The following STK32A variants were observed in gnomAD, a reference collection of about 807,000 sequenced individuals.
The protein encoded by STK32A is serine/threonine-protein kinase 32A.
STK32A carries 41 observed loss-of-function variants against 53.2 expected under a neutral mutation model. That is an observed-to-expected ratio of 0.77 (90% CI 0.60 to 1.00). The LOEUF is 1.00. STK32A is among the 50% of genes least tolerant of loss of function. The pLI is 0.00. For synonymous variants in STK32A, 166 were observed against 162.8 expected (o/e 1.02, Z -0.15); for missense variants, 458 against 485.8 (o/e 0.94, Z 0.54).
chr5:147,399,206 G>C, the STK32A span: 1 of 1,614,226 alleles, frequency 6.2e-7, no homozygotes, highest in Non-Finnish European at 8.5e-7. Context: ...GGCAGCGTTT[G>C]TGCTTGTCAC....
intron 2 of STK32A, among the ~76,000 whole-genome samples, chr5:147,267,015 T>C (rs1754841587): frequency 1.4e-5 from 2 of 145,064 alleles, no homozygotes; most frequent in South Asian, 2.2e-4. Flanking sequence ...GGCAACAAGA[T>C]TGAAACTCCA....
At chr5:147,248,983 TA>T (rs1475951601) in intron 2 of STK32A, among the ~76,000 whole-genome samples, 1 of 152,194 alleles carries the variant, frequency 6.6e-6, no homozygotes, top group Non-Finnish European at 1.5e-5. Flanking sequence ...CAACCTTAAC[TA>T]ATATCATGGC....
At chr5:147,382,310 T>C (rs1257770274) in intron 11 of STK32A, among the ~76,000 whole-genome samples, 1 of 152,192 alleles carries the variant, frequency 6.6e-6, no homozygotes, top group Non-Finnish European at 1.5e-5. Flanking sequence ...TTTTTATTAA[T>C]ACTTTAGTTT....
intron 11 of STK32A, among the ~76,000 whole-genome samples, chr5:147,376,942 G>C (rs528035507): frequency 2.0e-5 from 3 of 152,072 alleles, no homozygotes; most frequent in Non-Finnish European, 4.4e-5. Context: ...ACTGGACAAA[G>C]ACATCACAAA....
At chr5:147,286,743 C>T (rs1752363688) in intron 4 of STK32A, among the ~76,000 whole-genome samples, 1 of 152,062 alleles carries the variant, frequency 6.6e-6, no homozygotes, top group Non-Finnish European at 1.5e-5. Flanking sequence ...GAACATTTTT[C>T]TTTTATTGTC....
chr5:147,243,603 T>C (rs1216789548), intron 2 of STK32A, among the ~76,000 whole-genome samples: 1 of 152,086 alleles, frequency 6.6e-6, no homozygotes, highest in African/African-American at 2.4e-5. Context: ...TAGCTGGGCA[T>C]GCCAGTGTGC....
intron 4 of STK32A, among the ~76,000 whole-genome samples, chr5:147,292,297 G>A (rs1234339292): frequency 1.3e-5 from 2 of 152,188 alleles, no homozygotes; most frequent in Non-Finnish European, 2.9e-5. Flanking sequence ...ACCAGCCTTA[G>A]TAAAATGACC....
chr5:147,281,516 C>T (rs1488138389), intron 4 of STK32A, among the ~76,000 whole-genome samples: 10 of 151,968 alleles, frequency 6.6e-5, no homozygotes, highest in East Asian at 5.8e-4. Context: ...ATTCAGAGCT[C>T]GAAGACAAAG....
At chr5:147,370,532 G>A (rs1399316252) in intron 8 of STK32A, 122 bp from the exon 9 acceptor site, 2 of 559,858 alleles carry the variant, frequency 3.6e-6, no homozygotes, top group Non-Finnish European at 6.3e-6. Context: ...GAGTCAGCTG[G>A]ACAGGGTTAG....
chr5:147,364,401 A>T (rs1756653759), intron 8 of STK32A, among the ~76,000 whole-genome samples: 1 of 151,964 alleles, frequency 6.6e-6, no homozygotes, highest in Admixed American at 6.6e-5. Flanking sequence ...CACCAGAATC[A>T]CCCTTAATAT....
At chr5:147,324,908 T>C (rs1754504520) in intron 5 of STK32A, among the ~76,000 whole-genome samples, 1 of 152,196 alleles carries the variant, frequency 6.6e-6, no homozygotes, top group Non-Finnish European at 1.5e-5. Context: ...CACTCCTAGG[T>C]ACTTTATGTA....
At chr5:147,347,584 C>T (rs1428517941) in intron 6 of STK32A, among the ~76,000 whole-genome samples, 1 of 152,076 alleles carries the variant, frequency 6.6e-6, no homozygotes, top group Non-Finnish European at 1.5e-5. Context: ...CAGGACAGTT[C>T]GCACTACAAA....
rs540773824 is a variant in STK32A, at chr5:147,265,498, G to A, written c.53-12626G>A. Among the ~76,000 whole-genome samples the A allele has an allele frequency of 4.6e-5, 7 of 152,106 alleles. 1 individual carries two copies. Among genetic ancestry groups the A allele is most frequent in the African/African-American group, 1.7e-4 (7 of 41,494 alleles). ...GAAAGATGAGAGAATGGATTCCAAA[G>A]GTACATAGATTATAGCAAAATAAAA... On this transcript the variant is annotated intron_variant, in intron 2 of 12. Coordinates refer to ENST00000397936, the MANE Select transcript of STK32A (RefSeq NM_001112724.2).
chr5:147,291,737 C>A (rs1182648229), intron 4 of STK32A, among the ~76,000 whole-genome samples: 3 of 152,036 alleles, frequency 2.0e-5, no homozygotes, highest in Admixed American at 2.0e-4. Context: ...ATGGTCAGGG[C>A]TGAATTTAAA....
rs181211677 is a variant in STK32A, at chr5:147,257,259, G to C, written c.52+17573G>C. On this transcript the variant is annotated intron_variant, in intron 2 of 12. Transcript: ENST00000397936. Reference sequence around the variant, plus strand: ...AAGCTCTACGTCGGGGGCGGGGCGGGGGGTAGGACTCTGGGTTGACATTGG... The same window carrying C: ...AAGCTCTACGTCGGGGGCGGGGCGGCGGGTAGGACTCTGGGTTGACATTGG... 2.0e-5 allele frequency among the ~76,000 whole-genome samples: 3 copies of C among 151,982 alleles called. No homozygotes were observed. The East Asian group carries it at 5.8e-4, about 29-fold the overall frequency.
chr5:147,395,566 G>A, the STK32A span: 1 of 1,611,710 alleles, frequency 6.2e-7, no homozygotes. Flanking sequence ...CACCTGACAG[G>A]CTAAATCCCG....
At chr5:147,397,442 G>A in the STK32A span, among the ~76,000 whole-genome samples, 38 of 152,076 alleles carry the variant, frequency 2.5e-4, no homozygotes, top group African/African-American at 8.9e-4. Flanking sequence ...CTATAAAAAT[G>A]TGGGAAAAGT....
At chr5:147,306,702 C>T (rs1329597328) in intron 4 of STK32A, among the ~76,000 whole-genome samples, 11 of 152,006 alleles carry the variant, frequency 7.2e-5, no homozygotes, top group Admixed American at 7.2e-4. Flanking sequence ...AATTTTAAAT[C>T]TTCTGCTCAG....
chr5:147,401,478 C>G, the STK32A span: 1 of 1,522,338 alleles, frequency 6.6e-7, no homozygotes, highest in Non-Finnish European at 8.8e-7. Flanking sequence ...TGTCCTCAAC[C>G]CCCAGCTGGA....
Sources: allele counts gnomAD v4.1 joint callset (sites outside exome capture counted in the v4.1 genomes callset), GRCh38; gene constraint gnomAD v4.1.1; transcripts MANE v1.5; gene names NCBI Gene and HGNC (gene_info 2026-07-23, HGNC 2026-07-21).